The following COL4A4 variants were observed in gnomAD, a reference collection of about 807,000 sequenced individuals.
The protein encoded by COL4A4 is collagen type IV alpha 4 chain.
A neutral mutation model predicts 192.9 loss-of-function variants in COL4A4; 105 were observed. That is an observed-to-expected ratio of 0.54 (90% CI 0.46 to 0.64). COL4A4 has a LOEUF of 0.64. Among genes scored for constraint, COL4A4 ranks in the 30% least tolerant of loss-of-function variants. The pLI is 0.00. For synonymous variants in COL4A4, 762 were observed against 769.9 expected (o/e 0.99, Z 0.17); for missense variants, 1,967 against 2,169.3 (o/e 0.91, Z 1.85).
At chr2:226,979,137 G>A in the COL4A4 span, among the ~76,000 whole-genome samples, 12 of 152,228 alleles carry the variant, frequency 7.9e-5, no homozygotes, top group South Asian at 4.2e-4. Context: ...AACCTGCAGC[G>A]CAGCCGTCAG....
At chr2:227,052,461 CA>C (rs773773697) in intron 31 of COL4A4, 49 bp from the exon 32 acceptor site, 1 of 1,084,478 alleles carries the variant, frequency 9.2e-7, no homozygotes, top group African/African-American at 1.5e-5. Context: ...ACATCACACA[CA>C]TAATTTATCC....
chr2:227,000,103 T>G (rs538819012), downstream of COL4A4, among the ~76,000 whole-genome samples: 1 of 152,328 alleles, frequency 6.6e-6, no homozygotes, highest in African/African-American at 2.4e-5. Flanking sequence ...ACAATTTAAA[T>G]CTATCTTGCA....
intron 25 of COL4A4, 57 bp from the exon 26 acceptor site, chr2:227,062,655 G>A: frequency 5.8e-6 from 7 of 1,201,290 alleles, no homozygotes; most frequent in Non-Finnish European, 8.7e-6. Context: ...TGCAATGTGA[G>A]TCTGTCTCAA....
At chr2:227,030,995 T>A (rs1968205228) in intron 40 of COL4A4, among the ~76,000 whole-genome samples, 1 of 147,448 alleles carries the variant, frequency 6.8e-6, no homozygotes, top group African/African-American at 2.6e-5. Flanking sequence ...GATGGATAGA[T>A]AAGATGGATG....
intron 43 of COL4A4, among the ~76,000 whole-genome samples, chr2:227,025,192 A>G (rs916857435): frequency 1.4e-4 from 21 of 152,250 alleles, no homozygotes; most frequent in African/African-American, 5.1e-4. Context: ...AGAGGCCTGG[A>G]AAGAACAAAT....
intron 37 of COL4A4, among the ~76,000 whole-genome samples, chr2:227,040,425 T>C (rs1210864258): frequency 6.6e-6 from 1 of 152,216 alleles, no homozygotes; most frequent in Non-Finnish European, 1.5e-5. Context: ...TGTTATTGAC[T>C]GGGTCTCAAG....
intron 44 of COL4A4, among the ~76,000 whole-genome samples, chr2:227,012,970 A>C (rs949740271): frequency 4.6e-5 from 7 of 152,172 alleles, no homozygotes; most frequent in Non-Finnish European, 1.0e-4. Flanking sequence ...TGGAGAGGAA[A>C]CTTAGGCCCA....
At chr2:227,060,732 T>A (rs1370789584) in intron 26 of COL4A4, among the ~76,000 whole-genome samples, 1 of 151,472 alleles carries the variant, frequency 6.6e-6, no homozygotes, top group Non-Finnish European at 1.5e-5. Flanking sequence ...AGAATTTTTT[T>A]TTTTTTTTTT....
the COL4A4 span, among the ~76,000 whole-genome samples, chr2:226,994,291 A>G: frequency 1.4e-4 from 21 of 152,328 alleles, no homozygotes; most frequent in Admixed American, 5.9e-4. Flanking sequence ...GGGGTCCCCT[A>G]CCATTTTAGA....
chr2:227,147,217 G>A (rs868438846), intron 2 of COL4A4, 196 bp downstream of exon 2: 8 of 701,576 alleles, frequency 1.1e-5, no homozygotes, highest in Middle Eastern at 6.3e-4. Context: ...GTGATTTTGT[G>A]GATGCATTTC....
At chr2:227,059,714 T>C in intron 27 of COL4A4, 91 bp from the exon 28 acceptor site, 1 of 1,012,684 alleles carries the variant, frequency 9.9e-7, no homozygotes, top group African/African-American at 1.6e-5. Flanking sequence ...AATACTTTTC[T>C]TAAAAACACA....
intron 28 of COL4A4, among the ~76,000 whole-genome samples, chr2:227,058,222 A>C (rs1372521099): frequency 6.6e-6 from 1 of 152,184 alleles, no homozygotes; most frequent in Non-Finnish European, 1.5e-5. Context: ...AATATGATTT[A>C]AATTGCTAAT....
At chr2:227,011,046 CGAG>C (rs1963582002) in intron 45 of COL4A4, among the ~76,000 whole-genome samples, 1 of 151,972 alleles carries the variant, frequency 6.6e-6, no homozygotes, top group Non-Finnish European at 1.5e-5. Context: ...CTCTCCTCTT[CGAG>C]AAGAGAGGGA....
chr2:227,142,708 A>T (rs561429754), intron 3 of COL4A4, among the ~76,000 whole-genome samples: 1 of 151,720 alleles, frequency 6.6e-6, no homozygotes, highest in South Asian at 2.1e-4. Flanking sequence ...GTGAGCTGAG[A>T]TCGTACCACT....
intron 20 of COL4A4, among the ~76,000 whole-genome samples, chr2:227,093,774 CCT>C (rs1402068728): frequency 1.8e-4 from 28 of 152,094 alleles, no homozygotes; most frequent in Admixed American, 1.8e-3. Flanking sequence ...TTGCAATTCC[CCT>C]GTCTCGACAA....
chr2:227,140,618 C>T (rs2063138741), intron 3 of COL4A4, among the ~76,000 whole-genome samples: 1 of 151,944 alleles, frequency 6.6e-6, no homozygotes, highest in African/African-American at 2.4e-5. Context: ...AAATGAAAAG[C>T]TTGTTTTTTT....
At position 227,041,830 on chromosome 2, in the gene COL4A4, AAG is replaced by A. The variant is rs1456908722; in HGVS notation, c.3505+316_3505+317del. ...GAAGAAAGAAAGAAAGAAAGAAAGA[AAG>A]AAAGAAAGAAAGAAAGAGAAAGAAA... On this transcript the variant is annotated intron_variant, in intron 37 of 47. Coordinates refer to ENST00000396625, the MANE Select transcript of COL4A4 (RefSeq NM_000092.5). 1.1e-3 allele frequency among the ~76,000 whole-genome samples: 48 copies of A among 43,460 alleles called. 1 individual carries two copies. The highest frequency in any genetic ancestry group is 5.5e-3 in the African/African-American group (42 of 7,624). 28.5% of individuals were successfully genotyped at this position (43,460 alleles called of 152,430 possible). A position where few individuals can be genotyped will look rare whatever the true frequency, so the allele number is the denominator to read the frequency against.
In COL4A4 at chr2:227,101,568, G is replaced by T; in HGVS notation, c.976-11C>A. 6 of 1,586,404 alleles carry T rather than the reference G, an allele frequency of 3.8e-6. No homozygotes were observed. Among genetic ancestry groups the T allele is most frequent in the Non-Finnish European group, 5.1e-6 (6 of 1,170,378 alleles). ...CAGTCCTAGTTCTCCCTACAAACAA[G>T]CACAAACATGCCTTAAAAAAAAAAA... On this transcript the variant is annotated splice_polypyrimidine_tract_variant and intron_variant, in intron 16 of 47. Coordinates refer to ENST00000396625, the MANE Select transcript of COL4A4 (RefSeq NM_000092.5).
At chr2:227,088,282 C>A (rs972863707) in intron 22 of COL4A4, among the ~76,000 whole-genome samples, 1 of 152,156 alleles carries the variant, frequency 6.6e-6, no homozygotes, top group Non-Finnish European at 1.5e-5. Context: ...AATCTCATCT[C>A]GAATTGTAAT....
Sources: gnomAD v4.1 joint callset for allele counts (sites outside exome capture counted in the v4.1 genomes callset) on GRCh38, gnomAD v4.1.1 for gene constraint, MANE v1.5 for transcripts, NCBI Gene and HGNC (gene_info 2026-07-23, HGNC 2026-07-21) for gene names.